CD22: variants seen among roughly 807,000 people sequenced by gnomAD.
CD22 encodes the protein CD22 molecule, also known as B-cell receptor CD22.
A neutral mutation model predicts 94.7 loss-of-function variants in CD22; 51 were observed. That is an observed-to-expected ratio of 0.54 (90% CI 0.43 to 0.68). The LOEUF is 0.68. Ranked by LOEUF, CD22 falls within the 30% of genes least tolerant of loss-of-function variation. The pLI is 0.00. For missense variants in CD22, 931 were observed against 1,060.4 expected (o/e 0.88, Z 1.69); for synonymous variants, 424 against 422.5 (o/e 1.00, Z -0.04).
Position 35,341,424 on chromosome 19 carries a change from A to G in CD22, c.1589A>G (p.Asp530Gly), listed in dbSNP as rs1041617255. 2 of 1,613,806 alleles carry G rather than the reference A, an allele frequency of 1.2e-6. No homozygotes were observed. Among genetic ancestry groups the G allele is most frequent in the Non-Finnish European group, 1.7e-6 (2 of 1,179,978 alleles). ...HSGNSVSLQC[D>G]FSSSHPKEVQ... ...GGAAACTCGGTCAGCCTCCAATGTGACTTCTCAAGCAGCCACCCCAAAGAA... is the reference window on the plus strand; with the variant it reads ...GGAAACTCGGTCAGCCTCCAATGTGGCTTCTCAAGCAGCCACCCCAAAGAA... The change falls in exon 8 of 14, where the codon GAC (aspartate) becomes GGC (glycine). Residue 530 changes from aspartate to glycine, a missense_variant. Physicochemically the swap from Asp to Gly is moderately conservative, Grantham distance 94. Transcript: ENST00000085219. The surrounding 1 kb of genome is among the most constrained non-coding windows in gnomAD (Gnocchi z 4.0).
Position 35,337,908 on chromosome 19 carries a change from C to T in CD22, c.872C>T (p.Thr291Ile), listed in dbSNP as rs1487678290. The T allele has an allele frequency of 1.1e-5, 18 of 1,614,220 alleles. No homozygotes were observed. The highest frequency in any genetic ancestry group is 1.3e-5 in the Non-Finnish European group (15 of 1,180,038). The change falls in exon 5 of 14, where the codon ACA becomes ATA. Residue 291 changes from threonine to isoleucine, a missense_variant. Thr to Ile is a moderately conservative substitution (Grantham distance 89). Coordinates refer to ENST00000085219, the MANE Select transcript of CD22 (RefSeq NM_001771.4). The surrounding 1 kb of genome is among the most constrained non-coding windows in gnomAD (Gnocchi z 4.4). ...GGGACCTCGCTGAAGAAGCAGAATA[C>T]ATTCACGCTAAACCTGCGCGAAGTG... ...KDGTSLKKQNTFTLNLREVTK... is the reference protein window; with the variant it reads ...KDGTSLKKQNIFTLNLREVTK...
chr19:35,344,808 G>T, intron 9 of CD22, 21 bp from the exon 10 acceptor site: 1 of 1,573,212 alleles, frequency 6.4e-7, no homozygotes, highest in East Asian at 2.3e-5. Flanking sequence ...GTTGATTAAG[G>T]TCTCTCCTTT....
At chr19:35,346,433 C>A in intron 13 of CD22, 133 bp from the exon 14 acceptor site, 3 of 1,296,942 alleles carry the variant, frequency 2.3e-6, no homozygotes, top group East Asian at 2.5e-5. Context: ...CCGGCCACAG[C>A]CAGTTTCCTG....
In CD22 at chr19:35,341,184, G is replaced by A. The variant is rs768749232; in HGVS notation, c.1507+46G>A. On this transcript the variant is annotated intron_variant, in intron 7 of 13. Coordinates refer to ENST00000085219, the MANE Select transcript of CD22 (RefSeq NM_001771.4). The surrounding 1 kb of genome is among the most constrained non-coding windows in gnomAD (Gnocchi z 4.0). ...GGGGGATCTGGGAGGTGGCCCGGCT[G>A]GGATGAGGGGATGAAGGCAACGAGG... is the stretch of plus-strand genomic sequence containing the variant. The A allele has an allele frequency of 1.3e-5, 21 of 1,610,982 alleles. No individual in the cohort carries two copies. Among genetic ancestry groups the A allele is most frequent in the South Asian group, 2.2e-5 (2 of 91,020 alleles).
intron 2 of CD22, 181 bp downstream of exon 2, chr19:35,332,255 T>G (rs1264770112): frequency 1.5e-6 from 1 of 667,322 alleles, no homozygotes; most frequent in Non-Finnish European, 2.6e-6. Flanking sequence ...TCTCATTGCA[T>G]CCTGCTGTCT....
At chr19:35,340,721 T>C (rs990490567) in intron 6 of CD22, among the ~76,000 whole-genome samples, 160 bp from the exon 7 acceptor site, 3 of 152,244 alleles carry the variant, frequency 2.0e-5, no homozygotes, top group African/African-American at 7.2e-5. Context: ...GCAGGGTTTC[T>C]GTTCTCACAC....
intron 1 of CD22, chr19:35,331,814 T>C: frequency 1.9e-6 from 2 of 1,057,752 alleles, no homozygotes; most frequent in South Asian, 1.7e-5. Context: ...ACCACTGCAC[T>C]CTAGCCTGGG....
In CD22 at chr19:35,345,689, C is replaced by T. The variant is rs372211109; in HGVS notation, c.2296C>T (p.Arg766Cys). The change falls in exon 12 of 14, where the codon CGC becomes TGC. Residue 766 changes from arginine (R) to cysteine (C), a missense_variant. Arg to Cys is a radical substitution (Grantham distance 180, BLOSUM62 -3). Coordinates refer to ENST00000085219, the MANE Select transcript of CD22 (RefSeq NM_001771.4). ...MEDGISYTTLRFPEMNIPRTG... is the reference protein window; with the variant it reads ...MEDGISYTTLCFPEMNIPRTG... ...AGATGGCATTAGCTACACCACCCTGCGCTTTCCCGAGATGAACATACCACG... is the reference window on the plus strand; with the variant it reads ...AGATGGCATTAGCTACACCACCCTGTGCTTTCCCGAGATGAACATACCACG... 27 of 1,613,316 alleles carry T rather than the reference C, an allele frequency of 1.7e-5. No homozygotes were observed. The highest frequency in any genetic ancestry group is 8.9e-5 in the East Asian group (4 of 44,882).
At position 35,341,515 on chromosome 19, in the gene CD22, C is replaced by T. The variant is rs1377933002; in HGVS notation, c.1680C>T (p.Ser560=). 1.2e-6 allele frequency: 2 copies of T among 1,614,028 alleles called. No individual in the cohort carries two copies. The highest frequency in any genetic ancestry group is 8.5e-7 in the Non-Finnish European group (1 of 1,180,028). Residue 560 remains serine (S), a synonymous_variant, in exon 8 of 14, where the codon TCC becomes TCT. Coordinates refer to ENST00000085219, the MANE Select transcript of CD22 (RefSeq NM_001771.4). The surrounding 1 kb of genome is among the most constrained non-coding windows in gnomAD (Gnocchi z 4.0). ...LGKESQLNFD[S]ISPEDAGSYS... ...AAGAAAGCCAGCTGAATTTTGACTC[C>T]ATCTCCCCAGAAGATGCTGGGAGTT...
intron 11 of CD22, chr19:35,345,356 G>A: frequency 3.5e-6 from 2 of 570,104 alleles, no homozygotes; most frequent in South Asian, 4.1e-5. Context: ...GGGAGGCAGA[G>A]GTTGCAGTGA....
In CD22 at chr19:35,341,107, G is replaced by T; in HGVS notation, c.1476G>T (p.Ser492=). ...GCGCAGCTTGTAATAGTTGGTGCTC[G>T]TGGGCCTCCCCTGTCGCCCTGAATG... The part of the protein sequence containing the change: ...IACAACNSWC[S]WASPVALNVQ... The change falls in exon 7 of 14, where the codon TCG becomes TCT. Residue 492 remains serine (S), a synonymous_variant. Transcript: ENST00000085219. This position sits in a 1 kb window ranked among gnomAD's most constrained non-coding sequence, Gnocchi z 4.0. 1.9e-6 allele frequency: 3 copies of T among 1,614,144 alleles called. No homozygotes were observed. In the South Asian group the frequency reaches 3.3e-5, roughly 18 times the overall value.
rs2145686578 is a variant in CD22, at chr19:35,346,673, G to A, written c.2520G>A (p.Val840=). The A allele has an allele frequency of 1.9e-6, 3 of 1,610,354 alleles. No individual in the cohort carries two copies. The highest frequency in any genetic ancestry group is 1.7e-4 in the Middle Eastern group (1 of 6,056). ...VGERPQAQEN[V]DYVILKH ...AGCGGCCTCAGGCACAAGAAAATGT[G>A]GACTATGTGATCCTCAAACATTGAC... The change falls in exon 14 of 14, where the codon GTG becomes GTA. Residue 840 remains valine (V), a synonymous_variant. Transcript: ENST00000085219.
intron 12 of CD22, among the ~76,000 whole-genome samples, 167 bp downstream of exon 12, chr19:35,345,887 A>G (rs2066899514): frequency 6.6e-6 from 1 of 152,210 alleles, no homozygotes; most frequent in African/African-American, 2.4e-5. Context: ...AGTCTCCAGA[A>G]GTGGACCTGC....
rs1360830257 is a variant in CD22, at chr19:35,341,770, C to A, written c.1840C>A (p.Leu614Met). ...AGTGATGGAGGGGAAGAGTGCAACCCTGACCTGTGAGAGCGACGCCAACCC... is the reference window on the plus strand; with the variant it reads ...AGTGATGGAGGGGAAGAGTGCAACCATGACCTGTGAGAGCGACGCCAACCC... ...DQVMEGKSAT[L>M]TCESDANPPV... The change falls in exon 9 of 14, where the codon CTG becomes ATG. Residue 614 changes from leucine (L) to methionine (M), a missense_variant. Leu to Met is a conservative substitution (Grantham distance 15). Transcript: ENST00000085219. The surrounding 1 kb of genome is among the most constrained non-coding windows in gnomAD (Gnocchi z 4.0). The A allele has an allele frequency of 6.2e-7, 1 of 1,612,782 alleles. No individual in the cohort carries two copies. Among genetic ancestry groups the A allele is most frequent in the South Asian group, 1.1e-5 (1 of 91,084 alleles).
intron 9 of CD22, among the ~76,000 whole-genome samples, chr19:35,343,917 A>G: frequency 6.6e-6 from 1 of 152,008 alleles, no homozygotes; most frequent in East Asian, 1.9e-4. Context: ...TAATCCCAGC[A>G]CTTTGGGAGG....
Position 35,338,306 on chromosome 19 carries a change from G to A in CD22, c.1124G>A (p.Gly375Glu), listed in dbSNP as rs753941642. Residue 375 changes from glycine to glutamate, a missense_variant, in exon 6 of 14, where the codon GGA becomes GAA. By Grantham distance (98) the Gly-to-Glu change is moderately conservative (BLOSUM62 -2). Transcript: ENST00000085219. ...TWYHNGKEMQ[G>E]RTEEKVHIPK... ...TACCACAATGGGAAAGAAATGCAGG[G>A]AAGGACAGAGGAGAAAGTCCACATC... The A allele has an allele frequency of 6.2e-7, 1 of 1,614,244 alleles. No individual in the cohort carries two copies. The highest frequency in any genetic ancestry group is 2.2e-5 in the East Asian group (1 of 44,880).
Position 35,338,276 on chromosome 19 carries a change from C to G in CD22, c.1094C>G (p.Thr365Arg). The change falls in exon 6 of 14, where the codon ACG becomes AGG. Residue 365 changes from threonine (T) to arginine (R), a missense_variant. Transcript: ENST00000085219. ...GCCAATCCTCTTCCAACAAATTACA[C>G]GTGGTACCACAATGGGAAAGAAATG... Reference protein sequence around the residue: ...SLANPLPTNYTWYHNGKEMQG... With the variant: ...SLANPLPTNYRWYHNGKEMQG... 6.2e-7 allele frequency: 1 copy of G among 1,614,228 alleles called. No individual in the cohort carries two copies. Among genetic ancestry groups the G allele is most frequent in the Non-Finnish European group, 8.5e-7 (1 of 1,180,046 alleles).
In CD22 at chr19:35,340,904, G is replaced by A. The variant is rs1568488721; in HGVS notation, c.1273G>A (p.Val425Met). ...AGATCCTCCCAAGAAGGTGACCACA[G>A]TGATTCAAAACCCCATGCCGATTCG... Reference protein sequence around the residue: ...VQYPPKKVTTVIQNPMPIREG... With the variant: ...VQYPPKKVTTMIQNPMPIREG... Residue 425 changes from valine to methionine, a missense_variant, in exon 7 of 14, where the codon GTG becomes ATG. Physicochemically the swap from Val to Met is conservative, Grantham distance 21 (BLOSUM62 1). Coordinates refer to ENST00000085219, the MANE Select transcript of CD22 (RefSeq NM_001771.4). The A allele has an allele frequency of 1.2e-6, 2 of 1,614,182 alleles. No individual in the cohort carries two copies. Among genetic ancestry groups the A allele is most frequent in the Middle Eastern group, 1.6e-4 (1 of 6,062 alleles).
At chr19:35,343,826 T>A (rs569664700) in intron 9 of CD22, among the ~76,000 whole-genome samples, 3 of 152,192 alleles carry the variant, frequency 2.0e-5, no homozygotes, top group Non-Finnish European at 1.5e-5. Flanking sequence ...CCTAATTAAT[T>A]TATTGTACTT....
Sources: gnomAD v4.1 joint callset for allele counts (sites outside exome capture counted in the v4.1 genomes callset) on GRCh38, gnomAD v4.1.1 for gene constraint, Gnocchi (gnomAD v3.1) non-coding constraint, MANE v1.5 for transcripts, NCBI Gene and HGNC (gene_info 2026-07-23, HGNC 2026-07-21) for gene names.